Variants in ARMC9 observed in about 807,000 individuals in gnomAD.
The protein encoded by ARMC9 is armadillo repeat containing 9.
A neutral mutation model predicts 107.0 loss-of-function variants in ARMC9; 94 were observed. That is an observed-to-expected ratio of 0.88 (90% CI 0.74 to 1.04). The LOEUF (loss-of-function observed/expected upper bound fraction) is 1.04, where lower values mean the gene tolerates loss of function less well. Among genes scored for constraint, ARMC9 ranks in the 50% least tolerant of loss-of-function variants. ARMC9 has a pLI of 0.00. For synonymous variants in ARMC9, 380 were observed against 396.9 expected, an observed-to-expected ratio of 0.96 and a Z score of 0.51; for missense variants, 942 against 1,030.1, an observed-to-expected ratio of 0.91 and a Z score of 1.17.
intron 10 of ARMC9, among the ~76,000 whole-genome samples, chr2:231,257,341 T>TC (rs2037923845): frequency 6.6e-6 from 1 of 152,146 alleles, no homozygotes; most frequent in South Asian, 2.1e-4. Context: ...AGTTGGGCTG[T>TC]CCCCCTTACG....
intron 2 of ARMC9, 94 bp downstream of exon 2, chr2:231,206,383 T>G: frequency 9.7e-7 from 1 of 1,029,916 alleles, no homozygotes; most frequent in Non-Finnish European, 1.4e-6. Flanking sequence ...CTTGTAATGT[T>G]TCTTCTATTG....
chr2:231,290,480 A>G (rs1286027278), intron 17 of ARMC9, among the ~76,000 whole-genome samples: 1 of 152,186 alleles, frequency 6.6e-6, no homozygotes, highest in African/African-American at 2.4e-5. Context: ...CTCTGGCAGT[A>G]CTTCTGGACT....
chr2:231,283,130 C>T (rs1232643254), intron 17 of ARMC9, among the ~76,000 whole-genome samples: 1 of 152,008 alleles, frequency 6.6e-6, no homozygotes, highest in Non-Finnish European at 1.5e-5. Context: ...GTTGTGAGAG[C>T]AGGACTGCCC....
intron 9 of ARMC9, among the ~76,000 whole-genome samples, chr2:231,246,676 G>A (rs2036796013): frequency 6.6e-6 from 1 of 152,148 alleles, no homozygotes; most frequent in Non-Finnish European, 1.5e-5. Context: ...ATGAGTACGT[G>A]TGTCTTTTTG....
At chr2:231,321,027 T>A (rs150980710) in intron 19 of ARMC9, among the ~76,000 whole-genome samples, 1 of 152,194 alleles carries the variant, frequency 6.6e-6, no homozygotes, top group Non-Finnish European at 1.5e-5. Context: ...ACTTACCAGC[T>A]GTGTGTGGCT....
At position 231,297,163 on chromosome 2, in the gene ARMC9, T is replaced by A. The variant is rs2041429356; in HGVS notation, c.1773+910T>A. Among the ~76,000 whole-genome samples the A allele has an allele frequency of 6.6e-6, 1 of 152,222 alleles. No individual in the cohort carries two copies. Among genetic ancestry groups the A allele is most frequent in the Non-Finnish European group, 1.5e-5 (1 of 68,032 alleles). ...GGATCTGCTAAGATCTGCTGGGAGA[T>A]GCTTCCTCAGCAGGCGGCCTCTGTG... On this transcript the variant is annotated intron_variant, in intron 19 of 24. Coordinates refer to ENST00000611582, the MANE Select transcript of ARMC9 (RefSeq NM_001352754.2). This position sits in a 1 kb window ranked among gnomAD's most constrained non-coding sequence, Gnocchi z 4.2.
At chr2:231,295,021 A>G (rs1210106238) in intron 18 of ARMC9, 2 of 152,186 alleles carry the variant, frequency 1.3e-5, no homozygotes. Flanking sequence ...GGGTTTCTAC[A>G]TCTTCCCTCC....
At chr2:231,262,541 AT>A (rs779199958) in intron 12 of ARMC9, 143 bp downstream of exon 12, 128 of 784,690 alleles carry the variant, frequency 1.6e-4, no homozygotes, top group Admixed American at 1.4e-3. Context: ...GGTTCTGGGC[AT>A]TGGCTTACTT....
intron 19 of ARMC9, among the ~76,000 whole-genome samples, chr2:231,326,227 G>A (rs1326866755): frequency 1.3e-5 from 2 of 152,232 alleles, no homozygotes; most frequent in Non-Finnish European, 2.9e-5. Context: ...TAGACTCAGA[G>A]CTGGGCTACT....
At chr2:231,242,329 C>T (rs1434559840) in intron 9 of ARMC9, among the ~76,000 whole-genome samples, 1 of 152,102 alleles carries the variant, frequency 6.6e-6, no homozygotes, top group Non-Finnish European at 1.5e-5. Flanking sequence ...ACAAATATCT[C>T]AGAATGGCTG....
At chr2:231,366,899 A>G (rs1241655770) in intron 23 of ARMC9, among the ~76,000 whole-genome samples, 10 of 148,864 alleles carry the variant, frequency 6.7e-5, no homozygotes, top group African/African-American at 1.5e-4. Flanking sequence ...CGCCCAGGCT[A>G]GAGTGCAGTG....
At position 231,302,841 on chromosome 2, in the gene ARMC9, CA is replaced by C. The variant is rs529633850; in HGVS notation, c.1773+6593del. Among the ~76,000 whole-genome samples, 487 of 151,786 alleles carry C rather than the reference CA, an allele frequency of 3.2e-3. 1 individual carries two copies. The highest frequency in any genetic ancestry group is 4.4e-3 in the Admixed American group (67 of 15,262). ...CAACATGGTGAAACCCTGTCTCTAC[CA>C]AAAATACAAAAATTAGCTGGGCATC... On this transcript the variant is annotated intron_variant, in intron 19 of 24. Coordinates refer to ENST00000611582, the MANE Select transcript of ARMC9 (RefSeq NM_001352754.2).
At chr2:231,288,784 G>A (rs904135783) in intron 17 of ARMC9, 1 of 467,052 alleles carries the variant, frequency 2.1e-6, no homozygotes, top group African/African-American at 2.0e-5. Context: ...TTTGACTCCA[G>A]AGCCCTCTGC....
chr2:231,285,425 C>T (rs937178266), intron 17 of ARMC9, among the ~76,000 whole-genome samples: 1 of 150,590 alleles, frequency 6.6e-6, no homozygotes. Flanking sequence ...GTGGGTGGAT[C>T]ACCTGAGGTC....
chr2:231,239,818 A>C, intron 8 of ARMC9, 125 bp from the exon 9 acceptor site: 1 of 764,322 alleles, frequency 1.3e-6, no homozygotes, highest in Non-Finnish European at 2.2e-6. Context: ...TTTCTGGCTT[A>C]CATACCTCAT....
intron 4 of ARMC9, among the ~76,000 whole-genome samples, chr2:231,215,996 A>G (rs976735440): frequency 2.6e-5 from 4 of 152,352 alleles, no homozygotes; most frequent in South Asian, 4.1e-4. Flanking sequence ...GGCCATGATT[A>G]GTAGAGCCAG....
At chr2:231,371,451 CAG>C in intron 24 of ARMC9, 60 bp from the exon 25 acceptor site, 2 of 1,310,876 alleles carry the variant, frequency 1.5e-6, no homozygotes, top group East Asian at 2.9e-5. Context: ...CTGAGTGGGA[CAG>C]AGGGGATTCT....
chr2:231,258,989 A>G lies in ARMC9; in HGVS notation c.915-2A>G. On this transcript the variant is annotated splice_acceptor_variant, in intron 10 of 24. Coordinates refer to ENST00000611582, the MANE Select transcript of ARMC9 (RefSeq NM_001352754.2). LOFTEE classifies it high-confidence loss of function. Reference sequence around the variant, plus strand: ...TCTCTTTGAACTTGTGTTGCTGAGTAGGAAATTGAAGGATGTCCCATTACT... The same window carrying G: ...TCTCTTTGAACTTGTGTTGCTGAGTGGGAAATTGAAGGATGTCCCATTACT... The G allele has an allele frequency of 6.2e-7, 1 of 1,609,700 alleles. No homozygotes were observed.
intron 9 of ARMC9, 41 bp from the exon 10 acceptor site, chr2:231,256,545 T>G: frequency 6.2e-7 from 1 of 1,606,734 alleles, no homozygotes; most frequent in African/African-American, 1.3e-5. Context: ...TTGCTATCAG[T>G]GTTTAACACC....
Sources: gnomAD v4.1 joint callset for allele counts (sites outside exome capture counted in the v4.1 genomes callset) on GRCh38, gnomAD v4.1.1 for gene constraint, Gnocchi (gnomAD v3.1) non-coding constraint, MANE v1.5 for transcripts, NCBI Gene and HGNC (gene_info 2026-07-23, HGNC 2026-07-21) for gene names.